The following PARD3B variants were observed in gnomAD, a reference collection of about 807,000 sequenced individuals.
PARD3B encodes par-3 family cell polarity regulator beta.
A neutral mutation model predicts 130.2 loss-of-function variants in PARD3B; 103 were observed. The ratio of observed to expected loss-of-function variants is 0.79; its 90% CI spans 0.67 to 0.93. The LOEUF is 0.93. Among genes scored for constraint, PARD3B ranks in the 40% least tolerant of loss-of-function variants. PARD3B has a pLI of 0.00. For synonymous variants in PARD3B, 583 were observed against 553.2 expected, an observed-to-expected ratio of 1.05 and a Z score of -0.76; for missense variants, 1,609 against 1,499.2, an observed-to-expected ratio of 1.07 and a Z score of -1.21.
Position 205,176,826 on chromosome 2 carries a change from T to C in PARD3B, c.1924+249T>C, listed in dbSNP as rs543313184. Among the ~76,000 whole-genome samples the C allele has an allele frequency of 2.6e-5, 4 of 152,284 alleles. No homozygotes were observed. Among genetic ancestry groups the C allele is most frequent in the Admixed American group, 6.5e-5 (1 of 15,292 alleles). On this transcript the variant is annotated intron_variant, in intron 13 of 22. Transcript: ENST00000406610. This position sits in a 1 kb window ranked among gnomAD's most constrained non-coding sequence, Gnocchi z 5.3. ...GCTGCCCCAAACATGGAGGGTTATA[T>C]ATAAAACAAACGATCACTGGAGAAT...
At chr2:204,569,913 T>C (rs183748524) in intron 1 of PARD3B, among the ~76,000 whole-genome samples, 55 of 152,282 alleles carry the variant, frequency 3.6e-4, no homozygotes, top group African/African-American at 1.3e-3. Flanking sequence ...ATCAAGATGA[T>C]ACAAAATCAA....
chr2:204,913,643 A>G (rs1329932713), intron 2 of PARD3B, among the ~76,000 whole-genome samples: 1 of 152,210 alleles, frequency 6.6e-6, no homozygotes, highest in Non-Finnish European at 1.5e-5. Context: ...TGCTATGACA[A>G]AAAGCAATAC....
chr2:204,885,028 C>T (rs2046221274), intron 2 of PARD3B, among the ~76,000 whole-genome samples: 1 of 152,096 alleles, frequency 6.6e-6, no homozygotes, highest in East Asian at 1.9e-4. Context: ...GATATTTCTG[C>T]CTCTAGCTCT....
chr2:204,987,733 A>C (rs1261957068), intron 3 of PARD3B, among the ~76,000 whole-genome samples: 1 of 152,138 alleles, frequency 6.6e-6, no homozygotes, highest in Admixed American at 6.5e-5. Context: ...ATTGTCTTTC[A>C]AGTTGGGATC....
rs1224112931 is a variant in PARD3B at position 205,405,120 on chromosome 2, G to T, written c.2741+3997G>T. Among the ~76,000 whole-genome samples, 2 of 152,038 alleles carry T rather than the reference G, an allele frequency of 1.3e-5. No homozygotes were observed. Among genetic ancestry groups the T allele is most frequent in the Non-Finnish European group, 2.9e-5 (2 of 68,020 alleles). ...ATCTATAGCTACATGTACTGAAAAA[G>T]TCCAAAAAGCCATAAAAGATGAGTT... is the stretch of plus-strand genomic sequence containing the variant. On this transcript the variant is annotated intron_variant, in intron 19 of 22. Coordinates refer to ENST00000406610, the MANE Select transcript of PARD3B (RefSeq NM_001302769.2). This position sits in a 1 kb window ranked among gnomAD's most constrained non-coding sequence, Gnocchi z 4.1.
At chr2:205,531,864 C>T (rs1390714809) in intron 21 of PARD3B, among the ~76,000 whole-genome samples, 1 of 152,140 alleles carries the variant, frequency 6.6e-6, no homozygotes, top group Non-Finnish European at 1.5e-5. Context: ...TCATCAGGAA[C>T]CATGATTTGC....
chr2:204,637,150 C>T (rs1206810430), intron 1 of PARD3B, among the ~76,000 whole-genome samples: 1 of 151,564 alleles, frequency 6.6e-6, no homozygotes, highest in Admixed American at 6.6e-5. Flanking sequence ...GGTTTTTTAC[C>T]CTCATATCCT....
At chr2:205,150,653 T>A (rs1403732422) in intron 10 of PARD3B, among the ~76,000 whole-genome samples, 1 of 152,186 alleles carries the variant, frequency 6.6e-6, no homozygotes. Context: ...AAGAAAGATA[T>A]AAAACATAAC....
intron 14 of PARD3B, among the ~76,000 whole-genome samples, chr2:205,186,413 A>C (rs566560688): frequency 6.6e-5 from 10 of 152,334 alleles, no homozygotes; most frequent in Non-Finnish European, 1.5e-4. Context: ...GAGATTTACT[A>C]AGCATACATA....
intron 15 of PARD3B, among the ~76,000 whole-genome samples, chr2:205,226,226 A>G (rs1384631719): frequency 6.6e-6 from 1 of 152,128 alleles, no homozygotes; most frequent in Non-Finnish European, 1.5e-5. Context: ...TGTTTTTAGT[A>G]GAGACGAGGT....
At chr2:204,884,613 T>C (rs569862124) in intron 2 of PARD3B, among the ~76,000 whole-genome samples, 21 of 152,246 alleles carry the variant, frequency 1.4e-4, no homozygotes, top group African/African-American at 5.1e-4. Flanking sequence ...TCCCTCCCCC[T>C]GGCCCCAGCA....
Position 205,268,293 on chromosome 2 carries a change from T to A in PARD3B, c.2185+22471T>A, listed in dbSNP as rs572175299. Among the ~76,000 whole-genome samples, 1 of 152,382 alleles carries A rather than the reference T, an allele frequency of 6.6e-6. No individual in the cohort carries two copies. Among genetic ancestry groups the A allele is most frequent in the East Asian group, 1.9e-4 (1 of 5,192 alleles). Reference sequence around the variant, plus strand: ...TAAATAAGCATGAAGACAGACTGATTAAGCTCACTCATATAATTGGTTTTT... The same window carrying A: ...TAAATAAGCATGAAGACAGACTGATAAAGCTCACTCATATAATTGGTTTTT... On this transcript the variant is annotated intron_variant, in intron 16 of 22. Coordinates refer to ENST00000406610, the MANE Select transcript of PARD3B (RefSeq NM_001302769.2). This position sits in a 1 kb window ranked among gnomAD's most constrained non-coding sequence, Gnocchi z 4.1.
chr2:204,962,342 G>A (rs1056309511), intron 2 of PARD3B, among the ~76,000 whole-genome samples: 2 of 152,108 alleles, frequency 1.3e-5, no homozygotes, highest in Non-Finnish European at 2.9e-5. Context: ...GTGGGTTACT[G>A]CAGCCCCTGA....
intron 20 of PARD3B, among the ~76,000 whole-genome samples, chr2:205,459,285 A>G (rs1412067022): frequency 6.6e-6 from 1 of 152,110 alleles, no homozygotes. Context: ...CAATGCCTTC[A>G]AGTAGTTTTT....
At chr2:205,314,358 T>C (rs1292302173) in intron 18 of PARD3B, among the ~76,000 whole-genome samples, 1 of 152,212 alleles carries the variant, frequency 6.6e-6, no homozygotes, top group African/African-American at 2.4e-5. Flanking sequence ...TTTTGACTTT[T>C]GTTCCTATGG....
chr2:205,616,342 T>C lies in PARD3B; in HGVS notation c.*529T>C, dbSNP rs1242832372. ...CTGAAGTGAGTATAGGTTTTTTGACTAAGAAAAAAAACAACAGCAAACATG... is the reference window on the plus strand; with the variant it reads ...CTGAAGTGAGTATAGGTTTTTTGACCAAGAAAAAAAACAACAGCAAACATG... On this transcript the variant is annotated 3_prime_UTR_variant, in exon 23 of 23. Coordinates refer to ENST00000406610, the MANE Select transcript of PARD3B (RefSeq NM_001302769.2). 5 of 152,474 alleles carry C rather than the reference T, an allele frequency of 3.3e-5. No individual in the cohort carries two copies. The East Asian group carries it at 9.6e-4, about 29-fold the overall frequency. 9.4% of individuals were successfully genotyped at this position (152,474 alleles called of 1,614,324 possible).
chr2:205,438,516 C>T (rs1008554458), intron 19 of PARD3B, among the ~76,000 whole-genome samples: 4 of 152,190 alleles, frequency 2.6e-5, no homozygotes, highest in Non-Finnish European at 5.9e-5. Flanking sequence ...ATGTCCTTTG[C>T]TCTATTTGCA....
chr2:205,366,385 T>A lies in PARD3B; in HGVS notation c.2631-34628T>A, dbSNP rs1379693484. Among the ~76,000 whole-genome samples, 1 of 152,214 alleles carries A rather than the reference T, an allele frequency of 6.6e-6. No individual in the cohort carries two copies. The highest frequency in any genetic ancestry group is 1.5e-5 in the Non-Finnish European group (1 of 68,046). On this transcript the variant is annotated intron_variant, in intron 18 of 22. Coordinates refer to ENST00000406610, the MANE Select transcript of PARD3B (RefSeq NM_001302769.2). The surrounding 1 kb of genome is among the most constrained non-coding windows in gnomAD (Gnocchi z 5.0). Reference sequence around the variant, plus strand: ...ACATGGACAGAGGTAAAGAATTTCCTACTTATATTCGATGACAACCTAATG... The same window carrying A: ...ACATGGACAGAGGTAAAGAATTTCCAACTTATATTCGATGACAACCTAATG...
chr2:205,491,367 T>C (rs767343801), intron 20 of PARD3B, among the ~76,000 whole-genome samples: 4 of 152,124 alleles, frequency 2.6e-5, no homozygotes, highest in Non-Finnish European at 4.4e-5. Context: ...AATAGGGAAT[T>C]GTTTCCCCAT....
Sources: gnomAD v4.1 joint callset for allele counts (sites outside exome capture counted in the v4.1 genomes callset) on GRCh38, gnomAD v4.1.1 for gene constraint, Gnocchi (gnomAD v3.1) non-coding constraint, MANE v1.5 for transcripts, NCBI Gene and HGNC (gene_info 2026-07-23, HGNC 2026-07-21) for gene names.